Variants in TOR1AIP1 observed in about 807,000 individuals in gnomAD.
TOR1AIP1 encodes the protein torsin-1A-interacting protein 1.
In TOR1AIP1, 54 loss-of-function variants were observed where a neutral mutation model predicts 63.3. The observed-to-expected ratio is 0.85, with a 90% CI of 0.69 to 1.07. TOR1AIP1 has a LOEUF of 1.07. TOR1AIP1 is among the 50% of genes least tolerant of loss of function. The pLI is 0.00. For synonymous variants in TOR1AIP1, 294 were observed against 273.5 expected (o/e 1.07, Z -0.74); for missense variants, 736 against 715.0 (o/e 1.03, Z -0.33).
rs780795730 is a variant in TOR1AIP1, at chr1:179,917,496, C to T, written c.1009C>T (p.Arg337Trp). ...PQNASFVKRNRWWLLPLIAAL... is the reference protein window; with the variant it reads ...PQNASFVKRNWWWLLPLIAAL... ...AAATGCATCTTTTGTCAAGAGGAAC[C>T]GGTGGTGGCTACTTCCTCTGATAGC... Residue 337 changes from arginine (R) to tryptophan (W), a missense_variant, in exon 10 of 10, where the codon CGG (arginine) becomes TGG (tryptophan). Arg to Trp is a moderately radical substitution (Grantham distance 101). Around this residue, in one of 2 missense-constraint regions of TOR1AIP1, gnomAD observed 272 missense variants for 344.1 expected, o/e 0.79. Coordinates refer to ENST00000606911, the MANE Select transcript of TOR1AIP1 (RefSeq NM_015602.4). 1.6e-5 allele frequency: 26 copies of T among 1,613,518 alleles called. No homozygotes were observed. Among genetic ancestry groups the T allele is most frequent in the East Asian group, 2.2e-5 (1 of 44,886 alleles).
intron 8 of TOR1AIP1, 130 bp from the exon 9 acceptor site, chr1:179,913,868 C>T (rs192396835): frequency 3.7e-6 from 3 of 819,890 alleles, no homozygotes; most frequent in Non-Finnish European, 3.9e-6. Context: ...TCTACTTTTT[C>T]TTCTGCTTCT....
chr1:179,907,913 C>CTTTTTTTTTTTTTT, intron 7 of TOR1AIP1, 49 bp downstream of exon 7: 2 of 356,752 alleles, frequency 5.6e-6, no homozygotes, highest in Non-Finnish European at 8.4e-6. Context: ...ATTCTTTTCT[C>CTTTTTTTTTTTTTT]TTTTTTTTTT....
intron 9 of TOR1AIP1, among the ~76,000 whole-genome samples, chr1:179,916,939 G>A (rs924145182): frequency 6.6e-6 from 1 of 151,462 alleles, no homozygotes; most frequent in Non-Finnish European, 1.5e-5. Context: ...CTCCCTCCTC[G>A]GCCTCCCAAA....
chr1:179,918,128 C>A lies in TOR1AIP1; in HGVS notation c.1641C>A (p.Asn547Lys). 6.2e-7 allele frequency: 1 copy of A among 1,613,958 alleles called. No homozygotes were observed. The highest frequency in any genetic ancestry group is 8.5e-7 in the Non-Finnish European group (1 of 1,180,042). The change falls in exon 10 of 10, where the codon AAC becomes AAA. Residue 547 changes from asparagine (N) to lysine (K), a missense_variant. Physicochemically the swap from Asn to Lys is moderately conservative, Grantham distance 94. Coordinates refer to ENST00000606911, the MANE Select transcript of TOR1AIP1 (RefSeq NM_015602.4). Reference protein sequence around the residue: ...KVKFTNSNTPNSYNHMDPDKL... With the variant: ...KVKFTNSNTPKSYNHMDPDKL... The stretch of plus-strand genomic sequence containing the variant: ...AGTTCACCAATTCTAACACACCCAA[C>A]TCCTACAATCATATGGACCCAGACA...
chr1:179,916,057 A>G (rs771581464), intron 9 of TOR1AIP1, among the ~76,000 whole-genome samples: 19 of 152,222 alleles, frequency 1.2e-4, no homozygotes, highest in Non-Finnish European at 2.4e-4. Flanking sequence ...ATATTGACAT[A>G]TGTACTCAAG....
In TOR1AIP1 at chr1:179,907,803, A is replaced by T; in HGVS notation, c.797-20A>T. ...TTATTTTCAAGTATTCTATGACCTT[A>T]TCCCTGTTTTCTGTTTCAGGTCAAA... On this transcript the variant is annotated intron_variant, in intron 6 of 9. Transcript: ENST00000606911. The T allele has an allele frequency of 6.3e-7, 1 of 1,582,730 alleles. No homozygotes were observed. Among genetic ancestry groups the T allele is most frequent in the Non-Finnish European group, 8.6e-7 (1 of 1,163,152 alleles).
chr1:179,905,244 G>A (rs181121440), intron 6 of TOR1AIP1, among the ~76,000 whole-genome samples: 191 of 152,046 alleles, frequency 1.3e-3, no homozygotes, highest in African/African-American at 4.1e-3. Flanking sequence ...GCGTGGTGGC[G>A]CGTGCCTGTA....
At chr1:179,899,714 G>A (rs960659601) in intron 3 of TOR1AIP1, among the ~76,000 whole-genome samples, 2 of 152,030 alleles carry the variant, frequency 1.3e-5, no homozygotes, top group African/African-American at 2.4e-5. Flanking sequence ...GCGCGATCTC[G>A]GCTCACTGCA....
At chr1:179,903,439 T>C (rs1013233691) in intron 5 of TOR1AIP1, among the ~76,000 whole-genome samples, 7 of 152,180 alleles carry the variant, frequency 4.6e-5, no homozygotes, top group African/African-American at 9.6e-5. Flanking sequence ...ATGTTCTGTA[T>C]CATAACAATT....
chr1:179,915,970 C>A (rs888291195), intron 9 of TOR1AIP1, among the ~76,000 whole-genome samples: 2 of 152,150 alleles, frequency 1.3e-5, no homozygotes, highest in South Asian at 2.1e-4. Flanking sequence ...GCACAAAATT[C>A]TTTTCCTTGA....
intron 3 of TOR1AIP1, among the ~76,000 whole-genome samples, chr1:179,889,963 TTTC>T (rs1392274257): frequency 6.6e-6 from 1 of 152,210 alleles, no homozygotes. Context: ...TTTTCTGCAC[TTTC>T]TTGTTTATTT....
rs947424431 is a variant in TOR1AIP1 at position 179,905,360 on chromosome 1, G to A, written c.796+1338G>A. Among the ~76,000 whole-genome samples, 9 of 152,150 alleles carry A rather than the reference G, an allele frequency of 5.9e-5. No homozygotes were observed. The South Asian group carries it at 1.5e-3, about 25-fold the overall frequency. ...TGTGTCACTGCACTCCAGCCTGGGC[G>A]ACAGAGTGAGACCCTGTCTCAAGAA... On this transcript the variant is annotated intron_variant, in intron 6 of 9. Coordinates refer to ENST00000606911, the MANE Select transcript of TOR1AIP1 (RefSeq NM_015602.4).
rs531944525 is a variant in TOR1AIP1, at chr1:179,904,148, A to T, written c.796+126A>T. ...AGAGGAATAATGAATGCTAAAAAAAAACTTATCCGATATCTCTCTACCACT... is the reference window on the plus strand; with the variant it reads ...AGAGGAATAATGAATGCTAAAAAAATACTTATCCGATATCTCTCTACCACT... On this transcript the variant is annotated intron_variant, in intron 6 of 9. Coordinates refer to ENST00000606911, the MANE Select transcript of TOR1AIP1 (RefSeq NM_015602.4). 4 of 671,108 alleles carry T rather than the reference A, an allele frequency of 6.0e-6. No homozygotes were observed. The Admixed American group carries it at 1.4e-4, about 23-fold the overall frequency. The allele number at this position is 671,108 out of a possible 1,614,324, so 41.6% of individuals were successfully genotyped here.
At chr1:179,912,512 A>G (rs1252711908) in intron 8 of TOR1AIP1, among the ~76,000 whole-genome samples, 2 of 152,204 alleles carry the variant, frequency 1.3e-5, no homozygotes, top group East Asian at 3.8e-4. Flanking sequence ...GCTGTCCTTC[A>G]TCATTAACAT....
At chr1:179,904,373 TTTATA>T (rs1467306505) in intron 6 of TOR1AIP1, among the ~76,000 whole-genome samples, 1 of 152,202 alleles carries the variant, frequency 6.6e-6, no homozygotes, top group Non-Finnish European at 1.5e-5. Context: ...GACATAAAAT[TTTATA>T]TTAGTACAAT....
At chr1:179,917,335 A>C (rs1344562551) in intron 9 of TOR1AIP1, 117 bp from the exon 10 acceptor site, 8 of 862,908 alleles carry the variant, frequency 9.3e-6, no homozygotes, top group Non-Finnish European at 1.4e-5. Context: ...TTTCTTCTTT[A>C]AAGTCCTTCC....
chr1:179,886,045 C>T (rs1337867029), intron 2 of TOR1AIP1, among the ~76,000 whole-genome samples: 1 of 152,032 alleles, frequency 6.6e-6, no homozygotes, highest in Non-Finnish European at 1.5e-5. Flanking sequence ...CTGGCCTGTC[C>T]TATATTCCTT....
intron 9 of TOR1AIP1, among the ~76,000 whole-genome samples, chr1:179,914,480 T>G (rs1381884780): frequency 6.6e-6 from 1 of 152,156 alleles, no homozygotes; most frequent in East Asian, 1.9e-4. Flanking sequence ...CAAGTCTTAT[T>G]GTCCTGAAAG....
chr1:179,908,256 A>G (rs972976085), intron 7 of TOR1AIP1, among the ~76,000 whole-genome samples: 1 of 152,136 alleles, frequency 6.6e-6, no homozygotes, highest in African/African-American at 2.4e-5. Flanking sequence ...AAAAGTTGTA[A>G]TAAGATTTTA....
Sources: gnomAD v4.1 joint callset for allele counts (sites outside exome capture counted in the v4.1 genomes callset) on GRCh38, gnomAD v4.1.1 for gene constraint, gnomAD v4.1.1 regional missense constraint, MANE v1.5 for transcripts, NCBI Gene and HGNC (gene_info 2026-07-23, HGNC 2026-07-21) for gene names.